The following TRABD2A variants were observed in gnomAD, a reference collection of about 807,000 sequenced individuals.
The protein encoded by TRABD2A is metalloprotease TIKI1.
Under a neutral mutation model 45.6 loss-of-function variants are expected in TRABD2A, and 43 were observed. The ratio of observed to expected loss-of-function variants is 0.94; its 90% confidence interval spans 0.74 to 1.22. TRABD2A has a LOEUF of 1.22. TRABD2A is among the 50% of genes most tolerant of loss of function. The pLI is 0.00. For synonymous variants in TRABD2A, 269 were observed against 265.0 expected, an observed-to-expected ratio of 1.02 and a Z score of -0.15; for missense variants, 642 against 652.4, an observed-to-expected ratio of 0.98 and a Z score of 0.17.
At chr2:84,837,050 G>A (rs1251034214) in intron 4 of TRABD2A, 1 of 132,984 alleles carries the variant, frequency 7.5e-6, no homozygotes, top group Non-Finnish European at 1.5e-5. Flanking sequence ...CTGGAGTACA[G>A]TGGTGTGATC....
At chr2:84,860,612 T>C (rs1212026205) in intron 2 of TRABD2A, among the ~76,000 whole-genome samples, 2 of 152,220 alleles carry the variant, frequency 1.3e-5, no homozygotes, top group Non-Finnish European at 2.9e-5. Flanking sequence ...CCACTGCAGT[T>C]ATTTAACAGT....
intron 2 of TRABD2A, among the ~76,000 whole-genome samples, chr2:84,860,721 C>A (rs1682467631): frequency 6.6e-6 from 1 of 152,252 alleles, no homozygotes; most frequent in Non-Finnish European, 1.5e-5. Flanking sequence ...CTTTTCTCTG[C>A]TTATTTCCTT....
At chr2:84,854,280 T>A (rs1682199159) in intron 2 of TRABD2A, among the ~76,000 whole-genome samples, 1 of 151,982 alleles carries the variant, frequency 6.6e-6, no homozygotes, top group Non-Finnish European at 1.5e-5. Flanking sequence ...TCCAAGTGGG[T>A]CTTGGAACCA....
intron 2 of TRABD2A, among the ~76,000 whole-genome samples, chr2:84,856,154 G>A (rs1038749969): frequency 7.2e-5 from 11 of 152,018 alleles, no homozygotes; most frequent in African/African-American, 2.4e-4. Flanking sequence ...AGAAGAGTAG[G>A]GGAAGGGTCT....
Position 84,880,929 on chromosome 2 carries a change from T to C in TRABD2A, c.108+3A>G, listed in dbSNP as rs1203451831. On this transcript the variant is annotated splice_donor_region_variant and intron_variant, in intron 1 of 6. Transcript: ENST00000409520. ...GCTCTCCAGCACCCGACGCGCGCCT[T>C]ACTTGGGGCTTGAGCTCGCAGTTGG... The C allele has an allele frequency of 6.3e-7, 1 of 1,590,158 alleles. No individual in the cohort carries two copies. The highest frequency in any genetic ancestry group is 1.1e-5 in the South Asian group (1 of 87,644).
chr2:84,878,519 ACT>A (rs557385047), intron 1 of TRABD2A, among the ~76,000 whole-genome samples: 63 of 143,218 alleles, frequency 4.4e-4, no homozygotes, highest in Non-Finnish European at 7.8e-4. Context: ...ATAGAGCAAG[ACT>A]CTGTCTCAAA....
intron 2 of TRABD2A, among the ~76,000 whole-genome samples, chr2:84,860,687 G>A (rs1025330330): frequency 1.3e-5 from 2 of 152,232 alleles, no homozygotes; most frequent in Non-Finnish European, 2.9e-5. Context: ...GTCTTGTGCT[G>A]TTAGAATCCA....
chr2:84,851,663 AT>A (rs1682100501), intron 2 of TRABD2A, among the ~76,000 whole-genome samples: 1 of 152,208 alleles, frequency 6.6e-6, no homozygotes, highest in Non-Finnish European at 1.5e-5. Flanking sequence ...CACATGCATA[AT>A]TTGTTAGTAG....
At chr2:84,873,588 G>A (rs571434184) in intron 1 of TRABD2A, among the ~76,000 whole-genome samples, 7 of 152,254 alleles carry the variant, frequency 4.6e-5, no homozygotes, top group Admixed American at 2.0e-4. Flanking sequence ...TACCAAGAAC[G>A]CCTGCTAAGG....
intron 1 of TRABD2A, among the ~76,000 whole-genome samples, chr2:84,879,908 A>T (rs1683144899): frequency 6.6e-6 from 1 of 152,312 alleles, no homozygotes; most frequent in South Asian, 2.1e-4. Context: ...GCGAATGGCC[A>T]GGGGTGGAGG....
At position 84,823,929 on chromosome 2, in the gene TRABD2A, C is replaced by T. The variant is rs776198411; in HGVS notation, c.1334+24G>A. 5 of 1,611,648 alleles carry T rather than the reference C, an allele frequency of 3.1e-6. No individual in the cohort carries two copies. In the East Asian group the frequency reaches 1.1e-4, roughly 36 times the overall value. On this transcript the variant is annotated intron_variant, in intron 6 of 6. Transcript: ENST00000409520. ...TCACTAGGGTAAAGGTGGATGCCAA[C>T]CCGACCCAGCCTACTCGCCTGACCT...
intron 3 of TRABD2A, 120 bp from the exon 4 acceptor site, chr2:84,839,443 A>G (rs1398444769): frequency 1.2e-5 from 11 of 953,844 alleles, no homozygotes; most frequent in Non-Finnish European, 7.7e-6. Context: ...GAAGAGTGAC[A>G]CCATTCTTGG....
chr2:84,851,455 C>T (rs1027511947), intron 2 of TRABD2A, among the ~76,000 whole-genome samples: 1 of 152,230 alleles, frequency 6.6e-6, no homozygotes, highest in African/African-American at 2.4e-5. Context: ...CTGTTCTAAT[C>T]TCTTACCCAA....
intron 2 of TRABD2A, among the ~76,000 whole-genome samples, chr2:84,851,467 G>A (rs1682094189): frequency 6.6e-6 from 1 of 152,170 alleles, no homozygotes; most frequent in Non-Finnish European, 1.5e-5. Flanking sequence ...CTTACCCAAT[G>A]CTTAATCCCC....
chr2:84,848,844 G>A (rs1210651931), intron 2 of TRABD2A, among the ~76,000 whole-genome samples: 1 of 152,020 alleles, frequency 6.6e-6, no homozygotes, highest in African/African-American at 2.4e-5. Context: ...AAAGTGCTGG[G>A]ATTACAGGTG....
chr2:84,848,010 AAC>A (rs1425056537), intron 2 of TRABD2A, among the ~76,000 whole-genome samples: 1 of 152,170 alleles, frequency 6.6e-6, no homozygotes, highest in Admixed American at 6.5e-5. Context: ...TTTTTATAAG[AAC>A]AGTCATTTTT....
rs115758928 is a variant in TRABD2A, at chr2:84,852,983, T to C, written c.670-10976A>G. ...CCACTAGAGAGGGCAAAAGAGGGTGTTGTGGGTTAAATTTTTCCCCCCACC... is the reference window on the plus strand; with the variant it reads ...CCACTAGAGAGGGCAAAAGAGGGTGCTGTGGGTTAAATTTTTCCCCCCACC... On this transcript the variant is annotated intron_variant, in intron 2 of 6. Transcript: ENST00000409520. 8.0e-3 allele frequency among the ~76,000 whole-genome samples: 1,218 copies of C among 151,758 alleles called. 12 individuals are homozygous for C. The highest frequency in any genetic ancestry group is 0.029 in the African/African-American group (1,182 of 41,338).
At chr2:84,874,776 G>A in intron 1 of TRABD2A, 1 of 247,058 alleles carries the variant, frequency 4.0e-6, no homozygotes, top group Non-Finnish European at 8.1e-6. Context: ...GGAGGGGTCT[G>A]AGGACTACAG....
chr2:84,878,883 G>A (rs1351464626), intron 1 of TRABD2A, among the ~76,000 whole-genome samples: 1 of 152,220 alleles, frequency 6.6e-6, no homozygotes, highest in African/African-American at 2.4e-5. Flanking sequence ...TCCCAATTCC[G>A]CAGGGGGTAA....
Sources: allele counts gnomAD v4.1 joint callset (sites outside exome capture counted in the v4.1 genomes callset), GRCh38; gene constraint gnomAD v4.1.1; transcripts MANE v1.5; gene names NCBI Gene and HGNC (gene_info 2026-07-23, HGNC 2026-07-21).